The following RASSF3 variants were observed in gnomAD, a reference collection of about 807,000 sequenced individuals.
The protein encoded by RASSF3 is Ras association domain family member 3.
RASSF3 carries 19 observed loss-of-function variants against 19.9 expected under a neutral mutation model. The observed-to-expected ratio is 0.96, with a 90% confidence interval of 0.67 to 1.40. The LOEUF (loss-of-function observed/expected upper bound fraction) is 1.40. Ranked by LOEUF, RASSF3 falls within the 40% of genes most tolerant of loss-of-function variation. The probability of loss-of-function intolerance (pLI) is 0.00; values close to 1 mark genes in which losing one functional copy is unlikely to be tolerated. For missense variants in RASSF3, 306 were observed against 289.8 expected (o/e 1.06, Z -0.41); for synonymous variants, 110 against 104.2 (o/e 1.06, Z -0.34).
intron 1 of RASSF3, among the ~76,000 whole-genome samples, chr12:64,627,923 T>C (rs1373454694): frequency 2.6e-5 from 4 of 152,160 alleles, no homozygotes; most frequent in Admixed American, 1.3e-4. Context: ...GAATTACTGA[T>C]TGGAGGGAAA....
At chr12:64,689,791 C>T (rs375999340) in intron 3 of RASSF3, among the ~76,000 whole-genome samples, 146 of 96,516 alleles carry the variant, frequency 1.5e-3, no homozygotes, top group South Asian at 2.1e-3. Flanking sequence ...TTCGCTAATT[C>T]TTTTTTTTTT....
intron 1 of RASSF3, among the ~76,000 whole-genome samples, chr12:64,647,412 CTTTT>C (rs10633120): frequency 7.3e-6 from 1 of 136,894 alleles, no homozygotes; most frequent in Non-Finnish European, 1.6e-5. Context: ...ATTTTTTTTT[CTTTT>C]TTTTTTTTTG....
rs1356009037 is a variant in RASSF3, at chr12:64,552,605, T to G, written c.294+10900T>G. Among the ~76,000 whole-genome samples the G allele has an allele frequency of 2.6e-5, 4 of 152,136 alleles. No homozygotes were observed. In the East Asian group the frequency reaches 5.8e-4, roughly 22 times the overall value. ...TGTGTTCTCATTGTTCAGCTCCCAC[T>G]TATAAGTGAGAACATGTGGTGTTTG... On this transcript the variant is annotated intron_variant, in intron 2 of 5. Transcript: ENST00000637125.
intron 2 of RASSF3, among the ~76,000 whole-genome samples, chr12:64,570,943 C>T (rs533488170): frequency 1.3e-5 from 2 of 152,142 alleles, no homozygotes; most frequent in Non-Finnish European, 2.9e-5. Context: ...AAAGGCCAGA[C>T]GCAGTGGCTC....
chr12:64,583,550 A>G (rs1869738765), intron 2 of RASSF3, among the ~76,000 whole-genome samples: 1 of 152,202 alleles, frequency 6.6e-6, no homozygotes, highest in Non-Finnish European at 1.5e-5. Context: ...TGAACCCGGG[A>G]GGCAGAGGTT....
chr12:64,620,485 T>C (rs983732905), intron 1 of RASSF3, among the ~76,000 whole-genome samples: 1 of 152,218 alleles, frequency 6.6e-6, no homozygotes, highest in Non-Finnish European at 1.5e-5. Flanking sequence ...TATAGAATCA[T>C]ATGGTAATTC....
intron 2 of RASSF3, among the ~76,000 whole-genome samples, chr12:64,577,889 C>T (rs1869622413): frequency 6.6e-6 from 1 of 151,948 alleles, no homozygotes; most frequent in African/African-American, 2.4e-5. Context: ...ATCATGGTTT[C>T]TGCCTTCAAG....
chr12:64,630,166 A>T (rs1336773868), intron 1 of RASSF3, among the ~76,000 whole-genome samples: 5 of 152,116 alleles, frequency 3.3e-5, no homozygotes, highest in East Asian at 1.9e-4. Flanking sequence ...AAGATTTTTC[A>T]TTCATCAAAA....
intron 2 of RASSF3, among the ~76,000 whole-genome samples, chr12:64,599,821 A>G (rs1033112576): frequency 6.6e-6 from 1 of 151,984 alleles, no homozygotes; most frequent in Non-Finnish European, 1.5e-5. Flanking sequence ...TCACGAGGTC[A>G]GGAGATCGAG....
chr12:64,618,415 C>T (rs1304134297), intron 1 of RASSF3, among the ~76,000 whole-genome samples: 1 of 152,198 alleles, frequency 6.6e-6, no homozygotes, highest in African/African-American at 2.4e-5. Flanking sequence ...CAACCTCCAC[C>T]TCCTGGGTTC....
chr12:64,651,504 C>T (rs1212392141), intron 1 of RASSF3, among the ~76,000 whole-genome samples: 3 of 152,140 alleles, frequency 2.0e-5, no homozygotes, highest in South Asian at 2.1e-4. Flanking sequence ...GGATTACAGG[C>T]GCCTGCCACC....
At chr12:64,635,983 T>C (rs1012904389) in intron 1 of RASSF3, among the ~76,000 whole-genome samples, 6 of 152,206 alleles carry the variant, frequency 3.9e-5, no homozygotes, top group African/African-American at 1.4e-4. Context: ...CTATATTTCT[T>C]ATGAACATAC....
chr12:64,671,351 C>T (rs1485094532), intron 1 of RASSF3, among the ~76,000 whole-genome samples: 3 of 152,202 alleles, frequency 2.0e-5, no homozygotes. Flanking sequence ...GGACCCTCGG[C>T]TTTCTCCCTG....
Position 64,566,228 on chromosome 12 carries a change from A to G in RASSF3, c.294+24523A>G, listed in dbSNP as rs114744270. ...AAAAAAGTCTTGCTGACAGAACTCT[A>G]TTTAGAATAAGAGAGGAGAGAAGGT... On this transcript the variant is annotated intron_variant, in intron 2 of 5. Transcript: ENST00000637125. Among the ~76,000 whole-genome samples the G allele has an allele frequency of 9.3e-3, 1,414 of 152,310 alleles. 27 individuals carry two copies. Among genetic ancestry groups the G allele is most frequent in the African/African-American group, 0.033 (1,358 of 41,570 alleles).
At chr12:64,617,600 C>G (rs1052824524) in intron 1 of RASSF3, among the ~76,000 whole-genome samples, 1 of 152,196 alleles carries the variant, frequency 6.6e-6, no homozygotes, top group Non-Finnish European at 1.5e-5. Context: ...CTCTGTCACC[C>G]AGGCTGGAGT....
At position 64,695,464 on chromosome 12, in the gene RASSF3, A is replaced by G. The variant is rs1438115653; in HGVS notation, c.*552A>G. On this transcript the variant is annotated 3_prime_UTR_variant, in exon 5 of 5. Transcript: ENST00000542104. ...TTGTTAGGGGGTTGACAGAGAAAGC[A>G]AAGTGTAAGTTTGGAAGAAGGCATG... The G allele has an allele frequency of 6.5e-6, 1 of 152,980 alleles. No individual in the cohort carries two copies. Among genetic ancestry groups the G allele is most frequent in the Non-Finnish European group, 1.5e-5 (1 of 68,300 alleles). The allele number at this position is 152,980 out of a possible 1,614,324, so 9.5% of individuals were successfully genotyped here. A position where few individuals can be genotyped will look rare whatever the true frequency, so the allele number is the denominator to read the frequency against.
chr12:64,507,241 A>G (rs1348981848), exon 1 of RASSF3: 1 of 398,542 alleles, frequency 2.5e-6, no homozygotes, highest in Non-Finnish European at 4.4e-6. Context: ...AGACCTTCAG[A>G]AGAATAGCCC....
At chr12:64,668,062 T>G (rs1405455167) in intron 1 of RASSF3, among the ~76,000 whole-genome samples, 1 of 152,252 alleles carries the variant, frequency 6.6e-6, no homozygotes, top group Non-Finnish European at 1.5e-5. Context: ...CACCACATTC[T>G]GCTTCTGTGC....
chr12:64,598,440 T>A (rs1156762823), intron 2 of RASSF3, among the ~76,000 whole-genome samples: 1 of 152,242 alleles, frequency 6.6e-6, no homozygotes, highest in Non-Finnish European at 1.5e-5. Flanking sequence ...TATAATAAGA[T>A]CTCAGTACTT....
Sources: allele counts gnomAD v4.1 joint callset (sites outside exome capture counted in the v4.1 genomes callset), GRCh38; gene constraint gnomAD v4.1.1; transcripts MANE v1.5; gene names NCBI Gene and HGNC (gene_info 2026-07-23, HGNC 2026-07-21).